Variants in CYP2R1 observed in about 807,000 individuals in gnomAD.
CYP2R1 encodes cytochrome P450 family 2 subfamily R member 1, also known as vitamin D 25-hydroxylase.
CYP2R1 carries 40 observed loss-of-function variants against 45.7 expected under a neutral mutation model. That is an observed-to-expected ratio of 0.87 (90% CI 0.68 to 1.14). The LOEUF (loss-of-function observed/expected upper bound fraction) is 1.14. Ranked by LOEUF, CYP2R1 falls within the 50% of genes most tolerant of loss-of-function variation. CYP2R1 has a pLI of 0.00. For synonymous variants in CYP2R1, 234 were observed against 219.3 expected (o/e 1.07, Z -0.59); for missense variants, 605 against 602.6 (o/e 1.00, Z -0.04).
In CYP2R1 at chr11:14,887,658, C is replaced by G. The variant is rs111394710; in HGVS notation, c.226-1741G>C. ...CTAGATCACTCCATGATCTTCAAGT[C>G]TCTTTCCCTCACCCAAACCAGCCCT... On this transcript the variant is annotated intron_variant, in intron 1 of 4. Coordinates refer to ENST00000334636, the MANE Select transcript of CYP2R1 (RefSeq NM_024514.5). The G allele has an allele frequency of 8.9e-4, 872 of 985,224 alleles. 10 individuals are homozygous for G. The African/African-American group carries it at 0.014, about 16-fold the overall frequency. The allele number at this position is 985,224 out of a possible 1,614,324, so 61.0% of individuals were successfully genotyped here. A position where few individuals can be genotyped will look rare whatever the true frequency, so the allele number is the denominator to read the frequency against.
intron 1 of CYP2R1, 50 bp downstream of exon 1, chr11:14,891,930 GC>G (rs1555017174): frequency 3.1e-6 from 5 of 1,588,366 alleles, no homozygotes; most frequent in Non-Finnish European, 4.3e-6. Flanking sequence ...GCCCTGGCCA[GC>G]CCGGGCCAGC....
At chr11:14,884,124 G>A (rs1264028945) in intron 2 of CYP2R1, among the ~76,000 whole-genome samples, 4 of 151,996 alleles carry the variant, frequency 2.6e-5, no homozygotes, top group East Asian at 2.0e-4. Context: ...TCAGTGTGGC[G>A]ATTCCTCAGG....
At chr11:14,881,319 AG>A (rs1158610360) in intron 2 of CYP2R1, among the ~76,000 whole-genome samples, 1 of 152,146 alleles carries the variant, frequency 6.6e-6, no homozygotes, top group Non-Finnish European at 1.5e-5. Flanking sequence ...AGTCAAAAAA[AG>A]GGCAAACATG....
intron 1 of CYP2R1, among the ~76,000 whole-genome samples, chr11:14,888,637 A>C (rs1253112395): frequency 6.6e-6 from 1 of 152,068 alleles, no homozygotes; most frequent in Non-Finnish European, 1.5e-5. Context: ...CATGGCACTT[A>C]TTTAACACTA....
At chr11:14,885,311 C>G (rs549237484) in intron 2 of CYP2R1, among the ~76,000 whole-genome samples, 3 of 152,226 alleles carry the variant, frequency 2.0e-5, no homozygotes, top group Admixed American at 1.3e-4. Context: ...CTAAACCATA[C>G]AGAATGCTAG....
rs782503732 is a variant in CYP2R1, at chr11:14,880,284, C to T, written c.852G>A (p.Met284Ile). 2.4e-5 allele frequency: 38 copies of T among 1,613,058 alleles called. 2 individuals are homozygous for T. In the Middle Eastern group the frequency reaches 5.1e-3, roughly 217 times the overall value. ...QHFVDAYLDE[M>I]DQGKNDPSST... ...ATGATGGGTCATTTTTACCTTGATC[C>T]ATCTCATCTAAATAAGCATCAACAA... is the stretch of plus-strand genomic sequence containing the variant. The change falls in exon 3 of 5, where the codon ATG (methionine) becomes ATA (isoleucine). Residue 284 changes from methionine to isoleucine, a missense_variant. By Grantham distance (10) the Met-to-Ile change is conservative (BLOSUM62 1). Transcript: ENST00000334636.
intron 1 of CYP2R1, chr11:14,891,585 A>AG: frequency 1.9e-6 from 2 of 1,032,508 alleles, no homozygotes; most frequent in Non-Finnish European, 2.3e-6. Flanking sequence ...AGCCGCGTGC[A>AG]GCTTCCACAG....
At position 14,880,658 on chromosome 11, in the gene CYP2R1, C is replaced by T; in HGVS notation, c.478G>A (p.Glu160Lys). ...GQKSFESKIL[E>K]ETKFFNDAIE... Reference sequence around the variant, plus strand: ...GCATCATTGAAAAATTTGGTTTCTTCCAAGATTTTAGATTCAAAAGACTTT... The same window carrying T: ...GCATCATTGAAAAATTTGGTTTCTTTCAAGATTTTAGATTCAAAAGACTTT... The change falls in exon 3 of 5, where the codon GAA (glutamate) becomes AAA (lysine). Residue 160 changes from glutamate to lysine, a missense_variant. Physicochemically the swap from Glu to Lys is moderately conservative, Grantham distance 56 (BLOSUM62 1). Transcript: ENST00000334636. 6.3e-7 allele frequency: 1 copy of T among 1,597,832 alleles called. No homozygotes were observed. The highest frequency in any genetic ancestry group is 8.5e-7 in the Non-Finnish European group (1 of 1,173,898).
At chr11:14,888,385 T>C (rs905730744) in intron 1 of CYP2R1, among the ~76,000 whole-genome samples, 44 of 152,336 alleles carry the variant, frequency 2.9e-4, no homozygotes, top group African/African-American at 1.0e-3. Context: ...AACATATTAT[T>C]ATAACATCAT....
intron 1 of CYP2R1, chr11:14,886,775 C>G (rs1478139763): frequency 6.6e-6 from 1 of 152,226 alleles, no homozygotes; most frequent in Non-Finnish European, 1.5e-5. Flanking sequence ...AAGCCTTATC[C>G]CTGTGCAAAC....
rs1848319682 is a variant in CYP2R1, at chr11:14,880,172, C to T, written c.964G>A (p.Ala322Thr). 1 of 1,612,622 alleles carries T rather than the reference C, an allele frequency of 6.2e-7. No individual in the cohort carries two copies. Among genetic ancestry groups the T allele is most frequent in the Admixed American group, 1.7e-5 (1 of 59,780 alleles). The change falls in exon 3 of 5, where the codon GCG becomes ACG. Residue 322 changes from alanine to threonine, a missense_variant. Physicochemically the swap from Ala to Thr is moderately conservative, Grantham distance 58 (BLOSUM62 0). Coordinates refer to ENST00000334636, the MANE Select transcript of CYP2R1 (RefSeq NM_024514.5). The part of the protein sequence containing the change: ...TETTTNVLRW[A>T]ILFMALYPNI... ...GGATAAAGGGCCATGAAAAGAATCG[C>T]CCACCGTAGCACATTGGTTGTAGTT...
chr11:14,878,864 G>C (rs1848257929), intron 4 of CYP2R1, among the ~76,000 whole-genome samples: 1 of 151,932 alleles, frequency 6.6e-6, no homozygotes, highest in Non-Finnish European at 1.5e-5. Flanking sequence ...CACAAGTTTT[G>C]AAAAACAGAT....
At chr11:14,885,737 T>C in intron 2 of CYP2R1, 39 bp downstream of exon 2, 1 of 1,591,720 alleles carries the variant, frequency 6.3e-7, no homozygotes, top group Non-Finnish European at 8.6e-7. Context: ...TGATTTAAAA[T>C]ATCTTAGTAA....
intron 1 of CYP2R1, 40 bp from the exon 2 acceptor site, chr11:14,885,957 T>A (rs376832292): frequency 6.3e-7 from 1 of 1,595,174 alleles, no homozygotes; most frequent in African/African-American, 1.3e-5. Flanking sequence ...AATGACAGCA[T>A]GTATGGAGAA....
intron 2 of CYP2R1, among the ~76,000 whole-genome samples, chr11:14,883,100 C>T (rs1290284317): frequency 7.2e-5 from 11 of 152,186 alleles, no homozygotes; most frequent in Admixed American, 2.0e-4. Context: ...TGAAAATGGC[C>T]ATACTGCCCA....
chr11:14,885,340 C>A lies in CYP2R1; in HGVS notation c.367+436G>T, dbSNP rs530074075. 9.6e-4 allele frequency among the ~76,000 whole-genome samples: 146 copies of A among 152,218 alleles called. 1 individual carries two copies. The highest frequency in any genetic ancestry group is 4.4e-3 in the South Asian group (21 of 4,826). Reference sequence around the variant, plus strand: ...ATGCTAGTCCTTTACACAAACCATGCAACTCTATACTTACTAATCACAGTG... The same window carrying A: ...ATGCTAGTCCTTTACACAAACCATGAAACTCTATACTTACTAATCACAGTG... On this transcript the variant is annotated intron_variant, in intron 2 of 4. Coordinates refer to ENST00000334636, the MANE Select transcript of CYP2R1 (RefSeq NM_024514.5).
At position 14,891,563 on chromosome 11, in the gene CYP2R1, G is replaced by C. The variant is rs555096950; in HGVS notation, c.225+418C>G. 1.9e-3 allele frequency: 1,974 copies of C among 1,030,368 alleles called. 1 individual carries two copies. The highest frequency in any genetic ancestry group is 2.2e-3 in the Non-Finnish European group (1,920 of 857,636). The allele number at this position is 1,030,368 out of a possible 1,614,324, so 63.8% of individuals were successfully genotyped here. A position where few individuals can be genotyped will look rare whatever the true frequency, so the allele number is the denominator to read the frequency against. ...AACCATCTAGAACTCAGAACGCCTTGATTTTCCGACAAGCCGCGTGCAGCT... is the reference window on the plus strand; with the variant it reads ...AACCATCTAGAACTCAGAACGCCTTCATTTTCCGACAAGCCGCGTGCAGCT... On this transcript the variant is annotated intron_variant, in intron 1 of 4. Transcript: ENST00000334636.
intron 1 of CYP2R1, among the ~76,000 whole-genome samples, chr11:14,888,425 C>T (rs1002674104): frequency 3.9e-5 from 6 of 152,144 alleles, no homozygotes; most frequent in Non-Finnish European, 7.4e-5. Flanking sequence ...GACAAATGTG[C>T]AAAGTGCTGT....
At chr11:14,887,461 G>C (rs1848664496) in intron 1 of CYP2R1, 1 of 398,440 alleles carries the variant, frequency 2.5e-6, no homozygotes. Flanking sequence ...TTTGGTAAAG[G>C]TGTGTGACTC....
Sources: gnomAD v4.1 joint callset for allele counts (sites outside exome capture counted in the v4.1 genomes callset) on GRCh38, gnomAD v4.1.1 for gene constraint, MANE v1.5 for transcripts, NCBI Gene and HGNC (gene_info 2026-07-23, HGNC 2026-07-21) for gene names.